The following COL18A1 variants were observed in gnomAD, a reference collection of about 807,000 sequenced individuals.
COL18A1 encodes collagen alpha-1(XVIII) chain.
In COL18A1, 133 loss-of-function variants were observed where a neutral mutation model predicts 168.0. The observed-to-expected ratio is 0.79, with a 90% CI of 0.69 to 0.91. COL18A1 has a LOEUF of 0.91. COL18A1 is among the 40% of genes least tolerant of loss of function. COL18A1 has a pLI of 0.00. For synonymous variants in COL18A1, 949 were observed against 809.0 expected (o/e 1.17, Z -2.94); for missense variants, 2,126 against 1,925.4 (o/e 1.10, Z -1.95).
chr21:45,469,959 C>T (rs1027724195), intron 3 of COL18A1, among the ~76,000 whole-genome samples: 2 of 152,128 alleles, frequency 1.3e-5, no homozygotes, highest in African/African-American at 2.4e-5. Context: ...GTCAGAGTCA[C>T]CCCCTCCAGT....
intron 2 of COL18A1, among the ~76,000 whole-genome samples, chr21:45,440,289 A>G (rs971353606): frequency 2.0e-5 from 3 of 152,212 alleles, no homozygotes; most frequent in Non-Finnish European, 4.4e-5. Flanking sequence ...GGGCTCTCAC[A>G]GCCCCTTAGC....
chr21:45,417,953 C>T (rs1245401044), intron 2 of COL18A1, among the ~76,000 whole-genome samples: 1 of 152,266 alleles, frequency 6.6e-6, no homozygotes. Flanking sequence ...CCTCTTCCAT[C>T]TCCCCAGACA....
rs2035758151 is a variant in COL18A1 at position 45,478,341 on chromosome 21, A to G, written c.1236A>G (p.Glu412=). The change falls in exon 9 of 42, where the codon GAA becomes GAG. Residue 412 remains glutamate, a synonymous_variant. Transcript: ENST00000651438. ...GRDGEPGDPG[E]DGKPGDTGPQ... ...TGCACACCCAGGGCGACCCCGGTGA[A>G]GACGGAAAGCCGGTGAGTCTGCTTT... The G allele has an allele frequency of 3.1e-6, 5 of 1,613,718 alleles. No individual in the cohort carries two copies. Among genetic ancestry groups the G allele is most frequent in the Middle Eastern group, 3.3e-4 (2 of 6,058 alleles).
intron 2 of COL18A1, among the ~76,000 whole-genome samples, chr21:45,413,344 C>T (rs778016188): frequency 1.3e-5 from 2 of 152,262 alleles, no homozygotes; most frequent in African/African-American, 4.8e-5. Context: ...CAGGCCAGGG[C>T]GCCTGCACCA....
rs541157677 is a variant in COL18A1, at chr21:45,479,465, G to A, written c.1249-437G>A. Among the ~76,000 whole-genome samples the A allele has an allele frequency of 5.9e-4, 89 of 152,100 alleles. 1 individual carries two copies. Among genetic ancestry groups the A allele is most frequent in the African/African-American group, 1.9e-3 (80 of 41,496 alleles). On this transcript the variant is annotated intron_variant, in intron 9 of 41. Coordinates refer to ENST00000651438, the MANE Select transcript of COL18A1 (RefSeq NM_001379500.1). Reference sequence around the variant, plus strand: ...ACCACACATTACACATACCACACGTGGATACACACATACACATACCACGTG... The same window carrying A: ...ACCACACATTACACATACCACACGTAGATACACACATACACATACCACGTG...
rs2036600187 is a variant in COL18A1, at chr21:45,498,010, T to C, written c.2683+349T>C. 6.6e-6 allele frequency among the ~76,000 whole-genome samples: 1 copy of C among 152,092 alleles called. No homozygotes were observed. Among genetic ancestry groups the C allele is most frequent in the Admixed American group, 6.5e-5 (1 of 15,278 alleles). Reference sequence around the variant, plus strand: ...CCTCCACGGGGCCGGGGGTCGGCACTGGAGGACCCTCTGTCGAGAAACTCT... The same window carrying C: ...CCTCCACGGGGCCGGGGGTCGGCACCGGAGGACCCTCTGTCGAGAAACTCT... On this transcript the variant is annotated intron_variant, in intron 32 of 41. Transcript: ENST00000651438. This position sits in a 1 kb window ranked among gnomAD's most constrained non-coding sequence, Gnocchi z 4.5.
intron 15 of COL18A1, among the ~76,000 whole-genome samples, chr21:45,484,062 ACAC>A (rs1568913414): frequency 7.0e-6 from 1 of 143,016 alleles, no homozygotes; most frequent in South Asian, 2.3e-4. Context: ...GTACACACAC[ACAC>A]ACTTCTCCAG....
intron 2 of COL18A1, chr21:45,409,915 C>G (rs552144129): frequency 6.6e-6 from 1 of 152,260 alleles, no homozygotes; most frequent in African/African-American, 2.4e-5. Flanking sequence ...TGGCGCTGCC[C>G]GGGGCCACAG....
Position 45,468,398 on chromosome 21 carries a change from TCTTCCGTGA to T in COL18A1, c.268_276del (p.Arg90_Phe92del). 2 of 1,613,998 alleles carry T rather than the reference TCTTCCGTGA, an allele frequency of 1.2e-6. No individual in the cohort carries two copies. Among genetic ancestry groups the T allele is most frequent in the Non-Finnish European group, 1.7e-6 (2 of 1,180,020 alleles). Reference sequence around the variant, plus strand: ...GCCCGGTACCACTTCCCCAGCCTCTTCTTCCGTGACTTCTCACTGCTGTTCCACATCCGG... The same window carrying T: ...GCCCGGTACCACTTCCCCAGCCTCTTCTTCTCACTGCTGTTCCACATCCGG... On this transcript the variant is annotated inframe_deletion, in exon 3 of 42. Transcript: ENST00000651438.
At chr21:45,481,916 T>C (rs761287464) in intron 13 of COL18A1, 47 bp from the exon 14 acceptor site, 12 of 1,380,484 alleles carry the variant, frequency 8.7e-6, no homozygotes, top group Non-Finnish European at 1.0e-5. Context: ...GAAATCGTTT[T>C]AGTGGCCGAA....
chr21:45,422,469 T>C (rs1412839075), intron 2 of COL18A1: 2 of 531,214 alleles, frequency 3.8e-6, no homozygotes, highest in East Asian at 5.5e-5. Flanking sequence ...CAGGACAGAA[T>C]AGATGGCAGA....
intron 41 of COL18A1, among the ~76,000 whole-genome samples, 198 bp from the exon 42 acceptor site, chr21:45,511,990 G>T (rs375818547): frequency 1.3e-5 from 2 of 152,148 alleles, no homozygotes; most frequent in Non-Finnish European, 2.9e-5. Context: ...AGCAGCATGG[G>T]GGGCAGTCTG....
chr21:45,488,361 G>T, intron 17 of COL18A1, 57 bp from the exon 18 acceptor site: 1 of 1,611,914 alleles, frequency 6.2e-7, no homozygotes. Context: ...TGCGGCAGAC[G>T]CATCTCACAG....
intron 2 of COL18A1, among the ~76,000 whole-genome samples, chr21:45,461,089 G>A (rs2035027557): frequency 6.6e-6 from 1 of 152,168 alleles, no homozygotes; most frequent in Non-Finnish European, 1.5e-5. Context: ...ATCTACTCAA[G>A]TTTGAAGTGC....
At chr21:45,461,348 TCAGTAA>T (rs758119056) in intron 2 of COL18A1, among the ~76,000 whole-genome samples, 1 of 151,992 alleles carries the variant, frequency 6.6e-6, no homozygotes, top group African/African-American at 2.4e-5. Context: ...AGGACACTAC[TCAGTAA>T]CAGTAAGTCA....
intron 17 of COL18A1, 43 bp from the exon 18 acceptor site, chr21:45,488,375 G>A (rs1490072130): frequency 1.9e-6 from 3 of 1,613,442 alleles, no homozygotes; most frequent in South Asian, 2.2e-5. Context: ...CTCACAGCAG[G>A]GCCTCCAGCT....
At chr21:45,477,125 G>A (rs546533531) in intron 6 of COL18A1, among the ~76,000 whole-genome samples, 2 of 152,282 alleles carry the variant, frequency 1.3e-5, no homozygotes, top group South Asian at 2.1e-4. Context: ...ATTCTGGGGG[G>A]CCAGGGTCTC....
At chr21:45,493,083 C>T in intron 24 of COL18A1, 80 bp from the exon 25 acceptor site, 1 of 1,386,876 alleles carries the variant, frequency 7.2e-7, no homozygotes, top group Non-Finnish European at 1.0e-6. Flanking sequence ...CGGGGGGCAG[C>T]TGTCGGGGGA....
In COL18A1 at chr21:45,480,142, A is replaced by G; in HGVS notation, c.1384A>G (p.Arg462Gly). The G allele has an allele frequency of 6.3e-7, 1 of 1,581,610 alleles. No homozygotes were observed. Among genetic ancestry groups the G allele is most frequent in the Non-Finnish European group, 8.7e-7 (1 of 1,151,664 alleles). ...GPPGPPGPSF[R>G]HDKLTFIDME... ...TCCAGGGCCCCCAGGACCCTCCTTC[A>G]GACACGACAAGCTGGTAAGTCCCGC... Residue 462 changes from arginine to glycine, a missense_variant, in exon 11 of 42, where the codon AGA becomes GGA. Transcript: ENST00000651438.
Sources: allele counts gnomAD v4.1 joint callset (sites outside exome capture counted in the v4.1 genomes callset), GRCh38; gene constraint gnomAD v4.1.1; non-coding constraint Gnocchi (gnomAD v3.1); transcripts MANE v1.5; gene names NCBI Gene and HGNC (gene_info 2026-07-23, HGNC 2026-07-21).